Variants in KCNIP4 observed in about 807,000 individuals in gnomAD.
KCNIP4 encodes potassium voltage-gated channel interacting protein 4, also known as Kv channel-interacting protein 4.
Under a neutral mutation model 34.0 loss-of-function variants are expected in KCNIP4, and 12 were observed. The ratio of observed to expected loss-of-function variants is 0.35; its 90% CI spans 0.23 to 0.57. The LOEUF (loss-of-function observed/expected upper bound fraction) is 0.57, where lower values mean the gene tolerates loss of function less well. Among genes scored for constraint, KCNIP4 ranks in the 20% least tolerant of loss-of-function variants. The probability of loss-of-function intolerance (pLI) is 0.83; values close to 1 mark genes in which losing one functional copy is unlikely to be tolerated. For missense variants in KCNIP4, 238 were observed against 311.7 expected (o/e 0.76, Z 1.78); for synonymous variants, 124 against 102.2 (o/e 1.21, Z -1.29).
At chr4:20,732,898 T>G (rs1748681443) in intron 6 of KCNIP4, 113 bp from the exon 7 acceptor site, 2 of 650,546 alleles carry the variant, frequency 3.1e-6, no homozygotes, top group South Asian at 3.9e-5. Flanking sequence ...TTTTGTTTGT[T>G]GGATTCTTTG....
At chr4:20,791,957 C>T (rs1712808053) in intron 3 of KCNIP4, among the ~76,000 whole-genome samples, 1 of 152,158 alleles carries the variant, frequency 6.6e-6, no homozygotes, top group South Asian at 2.1e-4. Context: ...TCTACCCTGC[C>T]CATATTGGAC....
At chr4:21,693,951 C>T (rs1352616381) in intron 1 of KCNIP4, among the ~76,000 whole-genome samples, 1 of 152,084 alleles carries the variant, frequency 6.6e-6, no homozygotes, top group Non-Finnish European at 1.5e-5. Flanking sequence ...ATTCACCTCA[C>T]ACGTATATTT....
chr4:21,611,761 G>T (rs1351123369), intron 1 of KCNIP4, among the ~76,000 whole-genome samples: 5 of 152,008 alleles, frequency 3.3e-5, no homozygotes, highest in Admixed American at 3.3e-4. Context: ...TTTTTGGAGG[G>T]GTGGGGGATA....
chr4:21,871,280 C>T (rs1319171178), intron 1 of KCNIP4, among the ~76,000 whole-genome samples: 1 of 137,660 alleles, frequency 7.3e-6, no homozygotes, highest in Non-Finnish European at 1.6e-5. Context: ...CCCCACCCCA[C>T]AACAGGCCCC....
intron 1 of KCNIP4, among the ~76,000 whole-genome samples, chr4:21,655,781 G>A (rs1409716164): frequency 6.6e-6 from 1 of 152,280 alleles, no homozygotes; most frequent in East Asian, 1.9e-4. Context: ...GAAATCAAGT[G>A]TTTGTCATTA....
At chr4:21,812,861 C>T (rs2109273320) in intron 1 of KCNIP4, among the ~76,000 whole-genome samples, 1 of 152,262 alleles carries the variant, frequency 6.6e-6, no homozygotes, top group East Asian at 1.9e-4. Context: ...TTTTCCACAG[C>T]CAGAAATTCT....
intron 1 of KCNIP4, among the ~76,000 whole-genome samples, chr4:21,013,160 C>T (rs28574748): frequency 0.023 from 3,567 of 152,162 alleles, 142 homozygotes; most frequent in African/African-American, 0.081. Flanking sequence ...GTAGCACAGA[C>T]GCAGCAATGG....
intron 1 of KCNIP4, among the ~76,000 whole-genome samples, chr4:21,039,377 A>G (rs1371407062): frequency 1.8e-5 from 1 of 56,320 alleles, no homozygotes; most frequent in Non-Finnish European, 3.1e-5. Context: ...CTCAAAAAAG[A>G]AAAAAAAAAA....
chr4:21,804,591 G>C (rs1273079357), intron 1 of KCNIP4, among the ~76,000 whole-genome samples: 1 of 152,006 alleles, frequency 6.6e-6, no homozygotes, highest in African/African-American at 2.4e-5. Context: ...TCATGTTTGG[G>C]GGATAACATT....
At chr4:21,190,650 T>C (rs1755571164) in intron 1 of KCNIP4, among the ~76,000 whole-genome samples, 1 of 152,152 alleles carries the variant, frequency 6.6e-6, no homozygotes, top group Non-Finnish European at 1.5e-5. Context: ...CAACCAACAT[T>C]CTAAACCCCA....
chr4:21,110,963 G>C (rs918041666), intron 1 of KCNIP4, among the ~76,000 whole-genome samples: 1 of 152,120 alleles, frequency 6.6e-6, no homozygotes, highest in Middle Eastern at 3.2e-3. Flanking sequence ...TAAGTTTTAG[G>C]CTTCTTGGTT....
intron 1 of KCNIP4, among the ~76,000 whole-genome samples, chr4:21,284,734 T>TTG (rs10547040): frequency 0.045 from 6,683 of 149,518 alleles, 201 homozygotes; most frequent in Non-Finnish European, 0.066. Context: ...GTGGGTGCCC[T>TTG]TGTGTGTGTG....
chr4:21,475,027 AAAAT>A (rs1334991908), intron 1 of KCNIP4, among the ~76,000 whole-genome samples: 1 of 150,866 alleles, frequency 6.6e-6, no homozygotes, highest in African/African-American at 2.4e-5. Flanking sequence ...AGACGTTAAT[AAAAT>A]AAATTAATTA....
Position 21,084,280 on chromosome 4 carries a change from T to C in KCNIP4, c.62-201571A>G, listed in dbSNP as rs939781390. Among the ~76,000 whole-genome samples the C allele has an allele frequency of 5.3e-5, 8 of 149,928 alleles. 1 individual carries two copies. The highest frequency in any genetic ancestry group is 2.0e-4 in the African/African-American group (8 of 39,414). ...TAGGTGAGCCATGCAATGATGGACG[T>C]GGACTGCTCTCAGGGCGCAGTGACA... On this transcript the variant is annotated intron_variant, in intron 1 of 8. Transcript: ENST00000382152.
intron 1 of KCNIP4, among the ~76,000 whole-genome samples, chr4:21,013,542 C>T (rs1472437213): frequency 6.6e-6 from 1 of 152,118 alleles, no homozygotes; most frequent in East Asian, 1.9e-4. Flanking sequence ...AGCTTTTGGG[C>T]TCAGAATGAA....
At chr4:20,841,771 G>A (rs989487104) in intron 3 of KCNIP4, among the ~76,000 whole-genome samples, 6 of 151,444 alleles carry the variant, frequency 4.0e-5, no homozygotes, top group African/African-American at 1.5e-4. Context: ...TCAATGCTTT[G>A]TTTGTATCTG....
intron 1 of KCNIP4, among the ~76,000 whole-genome samples, chr4:21,399,662 T>A (rs1414803134): frequency 6.9e-6 from 1 of 144,510 alleles, no homozygotes; most frequent in Non-Finnish European, 1.5e-5. Context: ...TGAATAACTT[T>A]TTTTTTTTTT....
chr4:21,336,404 G>GA (rs1716185843), intron 1 of KCNIP4, among the ~76,000 whole-genome samples: 1 of 151,960 alleles, frequency 6.6e-6, no homozygotes, highest in African/African-American at 2.4e-5. Context: ...ACTGAGAAAT[G>GA]AACACCTTCA....
At chr4:20,891,137 C>T (rs1205612083) in intron 1 of KCNIP4, among the ~76,000 whole-genome samples, 1 of 152,142 alleles carries the variant, frequency 6.6e-6, no homozygotes, top group Non-Finnish European at 1.5e-5. Flanking sequence ...CATGGGTTAG[C>T]TTGGAAATAA....
Sources: allele counts gnomAD v4.1 joint callset (sites outside exome capture counted in the v4.1 genomes callset), GRCh38; gene constraint gnomAD v4.1.1; transcripts MANE v1.5; gene names NCBI Gene and HGNC (gene_info 2026-07-23, HGNC 2026-07-21).